The following ADD3 variants were observed in gnomAD, a reference collection of about 807,000 sequenced individuals.
The protein encoded by ADD3 is adducin 3, also known as gamma-adducin.
Under a neutral mutation model 80.2 loss-of-function variants are expected in ADD3, and 25 were observed. The ratio of observed to expected loss-of-function variants is 0.31; its 90% CI spans 0.23 to 0.44. The LOEUF (loss-of-function observed/expected upper bound fraction) is 0.44, where lower values mean the gene tolerates loss of function less well. Among genes scored for constraint, ADD3 ranks in the 20% least tolerant of loss-of-function variants. The pLI is 1.00. For missense variants in ADD3, 829 were observed against 847.5 expected, an observed-to-expected ratio of 0.98 and a Z score of 0.27; for synonymous variants, 284 against 289.6, an observed-to-expected ratio of 0.98 and a Z score of 0.20.
At chr10:110,016,858 C>G (rs1308894749) in intron 1 of ADD3, among the ~76,000 whole-genome samples, 2 of 152,064 alleles carry the variant, frequency 1.3e-5, no homozygotes, top group African/African-American at 4.8e-5. Flanking sequence ...GAACTAGTTA[C>G]AGGTCAGTGG....
chr10:110,025,025 CT>C (rs1854115714), intron 1 of ADD3, among the ~76,000 whole-genome samples: 1 of 151,474 alleles, frequency 6.6e-6, no homozygotes, highest in South Asian at 2.1e-4. Flanking sequence ...TCCTGAATAG[CT>C]GGAGTTACAG....
chr10:110,111,584 C>A (rs2134041555), intron 2 of ADD3, among the ~76,000 whole-genome samples: 1 of 152,242 alleles, frequency 6.6e-6, no homozygotes, highest in South Asian at 2.1e-4. Flanking sequence ...ATACAGAACT[C>A]CAGAATAGGA....
chr10:110,019,870 A>G (rs1191829153), intron 1 of ADD3, among the ~76,000 whole-genome samples: 1 of 152,178 alleles, frequency 6.6e-6, no homozygotes, highest in Non-Finnish European at 1.5e-5. Flanking sequence ...CCTTGGCTCT[A>G]TGTATATGTG....
chr10:110,073,133 G>GTTTT lies in ADD3; in HGVS notation c.-29-27491_-29-27488dup, dbSNP rs1443878675. Reference sequence around the variant, plus strand: ...ATTTGCTTAACCTCTTTGAGTTTTAGTTTTCTTTTTTTTTTTTTTTTTTTT... The same window carrying GTTTT: ...ATTTGCTTAACCTCTTTGAGTTTTAGTTTTTTTTCTTTTTTTTTTTTTTTTTTTT... On this transcript the variant is annotated intron_variant, in intron 1 of 14. Transcript: ENST00000356080. 8.5e-5 allele frequency among the ~76,000 whole-genome samples: 9 copies of GTTTT among 106,488 alleles called. 2 individuals are homozygous for GTTTT. Among genetic ancestry groups the GTTTT allele is most frequent in the African/African-American group, 8.8e-5 (2 of 22,624 alleles). 69.9% of individuals were successfully genotyped at this position (106,488 alleles called of 152,430 possible). A position where few individuals can be genotyped will look rare whatever the true frequency, so the allele number is the denominator to read the frequency against.
chr10:110,071,204 A>AG (rs989144179), intron 1 of ADD3, among the ~76,000 whole-genome samples: 1 of 152,214 alleles, frequency 6.6e-6, no homozygotes, highest in Non-Finnish European at 1.5e-5. Context: ...AGTTGGAAAA[A>AG]GCAATTTAAA....
rs1851598503 is a variant in ADD3, at chr10:110,122,242, A to C, written c.1093A>C (p.Lys365Gln). Residue 365 changes from lysine (K) to glutamine (Q), a missense_variant, in exon 9 of 15, where the codon AAG becomes CAG. Transcript: ENST00000356080. ...GAATATGGGTTCCCATCAAAAATGG[A>C]AGGTTGGCGAAATTGAGTTTGAAGG... is the stretch of plus-strand genomic sequence containing the variant. ...GVNMGSHQKW[K>Q]VGEIEFEGLM... 11 of 1,614,086 alleles carry C rather than the reference A, an allele frequency of 6.8e-6. No homozygotes were observed. The East Asian group carries it at 2.5e-4, about 36-fold the overall frequency.
chr10:110,119,466 G>C lies in ADD3; in HGVS notation c.862G>C (p.Val288Leu). ...GATTGCTGTGGGCATTCTATTTTAGGTGCTGGTACTCAGGAATCATGGTGT... is the reference window on the plus strand; with the variant it reads ...GATTGCTGTGGGCATTCTATTTTAGCTGCTGGTACTCAGGAATCATGGTGT... ...LQKVLGPSCK[V>L]LVLRNHGVVA... Residue 288 changes from valine (V) to leucine (L), a missense_variant and splice_region_variant, in exon 8 of 15, where the codon GTG becomes CTG. Coordinates refer to ENST00000356080, the MANE Select transcript of ADD3 (RefSeq NM_016824.5). 6.2e-7 allele frequency: 1 copy of C among 1,614,054 alleles called. No individual in the cohort carries two copies. Among genetic ancestry groups the C allele is most frequent in the Non-Finnish European group, 8.5e-7 (1 of 1,179,962 alleles).
At chr10:110,048,672 A>G (rs1231223508) in intron 1 of ADD3, among the ~76,000 whole-genome samples, 3 of 152,198 alleles carry the variant, frequency 2.0e-5, no homozygotes, top group African/African-American at 7.2e-5. Context: ...CTTGAGAAAG[A>G]TAACTTAGGG....
chr10:110,003,305 GT>G (rs1851524539), upstream of ADD3, among the ~76,000 whole-genome samples: 1 of 149,974 alleles, frequency 6.7e-6, no homozygotes, highest in Non-Finnish European at 1.5e-5. Flanking sequence ...CAGTAAGGGT[GT>G]GTGTGTGTGT....
chr10:110,117,595 G>A lies in ADD3; in HGVS notation c.567+173G>A, dbSNP rs549572113. 9.2e-5 allele frequency among the ~76,000 whole-genome samples: 14 copies of A among 151,870 alleles called. No individual in the cohort carries two copies. In the South Asian group the frequency reaches 1.7e-3, roughly 18 times the overall value. On this transcript the variant is annotated intron_variant, in intron 5 of 14. Transcript: ENST00000356080. ...TTAGGGAAAAGCTTTAGAGAATAGC[G>A]TAATTGAAGAGACTAATAAATGAGT...
chr10:110,083,209 A>AC (rs1441741630), intron 1 of ADD3, among the ~76,000 whole-genome samples: 2 of 152,248 alleles, frequency 1.3e-5, no homozygotes, highest in African/African-American at 4.8e-5. Context: ...TAGGAAAGTC[A>AC]CCATGGAAGG....
intron 1 of ADD3, among the ~76,000 whole-genome samples, chr10:110,081,138 G>A (rs1177563328): frequency 6.6e-6 from 1 of 152,110 alleles, no homozygotes; most frequent in African/African-American, 2.4e-5. Context: ...GGTTACCTTA[G>A]TTTCTTTGCA....
intron 1 of ADD3, among the ~76,000 whole-genome samples, chr10:110,082,176 ACGTTTTAG>A (rs1436175835): frequency 6.6e-6 from 1 of 152,136 alleles, no homozygotes; most frequent in Non-Finnish European, 1.5e-5. Flanking sequence ...TAGGCTATTA[ACGTTTTAG>A]AACAACAAGT....
chr10:110,050,060 A>G (rs566737276), intron 1 of ADD3, among the ~76,000 whole-genome samples: 239 of 152,262 alleles, frequency 1.6e-3, no homozygotes, highest in Middle Eastern at 3.4e-3. Context: ...TTATAGGCTC[A>G]TAGGCGGAAG....
rs780411924 is a variant in ADD3, at chr10:110,126,502, C to T, written c.1607C>T (p.Ser536Phe). 2 of 1,608,742 alleles carry T rather than the reference C, an allele frequency of 1.2e-6. No individual in the cohort carries two copies. Among genetic ancestry groups the T allele is most frequent in the Non-Finnish European group, 1.7e-6 (2 of 1,175,816 alleles). The change falls in exon 12 of 15, where the codon TCT becomes TTT. Residue 536 changes from serine to phenylalanine, a missense_variant and splice_region_variant. Ser to Phe is a radical substitution (Grantham distance 155). Transcript: ENST00000356080. ...GGAATTGTTGTGGATAAGCCACCTT[C>T]TGTAAGTTTATGAAGTAGTATGATC... Reference protein sequence around the residue: ...LAGIVVDKPPSTMQFEDDDHG... With the variant: ...LAGIVVDKPPFTMQFEDDDHG...
chr10:110,116,882 A>G (rs1198511646), intron 4 of ADD3, among the ~76,000 whole-genome samples: 1 of 152,248 alleles, frequency 6.6e-6, no homozygotes, highest in Non-Finnish European at 1.5e-5. Flanking sequence ...AAAATATTGT[A>G]CAATGGAAAT....
At chr10:110,063,993 C>A (rs979654763) in intron 1 of ADD3, among the ~76,000 whole-genome samples, 1 of 151,832 alleles carries the variant, frequency 6.6e-6, no homozygotes, top group African/African-American at 2.4e-5. Context: ...TACATGGAAT[C>A]ATTCAATATC....
chr10:110,046,582 A>G lies in ADD3; in HGVS notation c.-30+38283A>G, dbSNP rs540084571. On this transcript the variant is annotated intron_variant, in intron 1 of 14. Transcript: ENST00000356080. ...TTTTATAGAATGTACATAAATGTAT[A>G]GGTTAAATGGAAAGCAATGTTACAA... 8.5e-5 allele frequency among the ~76,000 whole-genome samples: 13 copies of G among 152,278 alleles called. No homozygotes were observed. In the East Asian group the frequency reaches 9.6e-4, roughly 11 times the overall value.
intron 1 of ADD3, among the ~76,000 whole-genome samples, chr10:110,008,966 G>T (rs533697360): frequency 9.2e-5 from 14 of 152,126 alleles, no homozygotes; most frequent in Admixed American, 2.0e-4. Flanking sequence ...TTTGGGGCAC[G>T]TCCAGCCTCT....
Sources: gnomAD v4.1 joint callset for allele counts (sites outside exome capture counted in the v4.1 genomes callset) on GRCh38, gnomAD v4.1.1 for gene constraint, MANE v1.5 for transcripts, NCBI Gene and HGNC (gene_info 2026-07-23, HGNC 2026-07-21) for gene names.